Variants in INVS observed in about 807,000 individuals in gnomAD.
The protein encoded by INVS is inversion of embryo turning homolog.
INVS carries 86 observed loss-of-function variants against 108.8 expected under a neutral mutation model. The ratio of observed to expected loss-of-function variants is 0.79; its 90% CI spans 0.66 to 0.95. The LOEUF (loss-of-function observed/expected upper bound fraction) is 0.95. INVS is among the 40% of genes least tolerant of loss of function. The pLI is 0.00. For missense variants in INVS, 1,169 were observed against 1,297.4 expected (o/e 0.90, Z 1.52); for synonymous variants, 455 against 473.5 (o/e 0.96, Z 0.51).
At chr9:100,286,738 G>A (rs1833456516) in intron 13 of INVS, among the ~76,000 whole-genome samples, 1 of 152,004 alleles carries the variant, frequency 6.6e-6, no homozygotes, top group African/African-American at 2.4e-5. Context: ...CTTAGCTTGG[G>A]GCCTTTGCAG....
In INVS at chr9:100,161,380, A is replaced by AAAAAAAAAACAAC. The variant is rs1564138753; in HGVS notation, c.273+34840_273+34841insCAACAAAAAAAAA. ...CTTCCATCTCAAAAAAAAAAAAAAAAAAAAAAAAAAAACCTCATAAATTGA... is the reference window on the plus strand; with the variant it reads ...CTTCCATCTCAAAAAAAAAAAAAAAAAAAAAAAAACAACAAAAAAAAAAAACCTCATAAATTGA... On this transcript the variant is annotated intron_variant, in intron 3 of 16. Transcript: ENST00000262457. 4.5e-4 allele frequency among the ~76,000 whole-genome samples: 52 copies of AAAAAAAAAACAAC among 115,504 alleles called. 2 individuals carry two copies. The highest frequency in any genetic ancestry group is 2.3e-3 in the African/African-American group (47 of 20,122). The allele number at this position is 115,504 out of a possible 152,430, so 75.8% of individuals were successfully genotyped here. A position where few individuals can be genotyped will look rare whatever the true frequency, so the allele number is the denominator to read the frequency against.
In INVS at chr9:100,226,095, C is replaced by T. The variant is rs750863293; in HGVS notation, c.307C>T (p.Arg103Cys). ...TCGTTTCATGAAACTCTTACTTACA[C>T]GCAGAGCAAACTGGATGCAAAAGGA... ...NYRFMKLLLT[R>C]RANWMQKDLE... Residue 103 changes from arginine to cysteine, a missense_variant, in exon 4 of 17, where the codon CGC becomes TGC. By Grantham distance (180) the Arg-to-Cys change is radical. This residue lies in a region of INVS where 365 missense variants were observed against 397.5 expected (regional missense o/e 0.92). Coordinates refer to ENST00000262457, the MANE Select transcript of INVS (RefSeq NM_014425.5). 2.8e-5 allele frequency: 45 copies of T among 1,613,332 alleles called. No individual in the cohort carries two copies. The highest frequency in any genetic ancestry group is 1.7e-4 in the Admixed American group (10 of 59,940).
chr9:100,125,167 T>C (rs1316688647), intron 2 of INVS, among the ~76,000 whole-genome samples: 1 of 152,212 alleles, frequency 6.6e-6, no homozygotes, highest in Non-Finnish European at 1.5e-5. Context: ...TATTCCTATC[T>C]CCTACTCTCT....
At chr9:100,221,657 G>A (rs868646485) in intron 3 of INVS, among the ~76,000 whole-genome samples, 6 of 151,472 alleles carry the variant, frequency 4.0e-5, no homozygotes, top group Non-Finnish European at 8.8e-5. Flanking sequence ...ATCATTATCT[G>A]TAGGCAGAAT....
At chr9:100,168,400 C>T (rs189899864) in intron 3 of INVS, among the ~76,000 whole-genome samples, 1 of 152,120 alleles carries the variant, frequency 6.6e-6, no homozygotes, top group Non-Finnish European at 1.5e-5. Context: ...ATTTTTATAC[C>T]ATTTATTAGC....
intron 2 of INVS, among the ~76,000 whole-genome samples, chr9:100,123,358 T>C (rs1169228331): frequency 2.6e-5 from 4 of 152,188 alleles, no homozygotes; most frequent in Non-Finnish European, 1.5e-5. Flanking sequence ...TTATATAATA[T>C]GTGGTATTTT....
chr9:100,235,161 G>A (rs1831640931), intron 5 of INVS, among the ~76,000 whole-genome samples: 1 of 150,392 alleles, frequency 6.6e-6, no homozygotes, highest in Non-Finnish European at 1.5e-5. Context: ...TTTAAAGTCT[G>A]TTTTATCAGA....
chr9:100,253,406 T>C (rs1832306811), intron 10 of INVS, among the ~76,000 whole-genome samples: 1 of 127,104 alleles, frequency 7.9e-6, no homozygotes, highest in Non-Finnish European at 1.8e-5. Flanking sequence ...AACATAAATA[T>C]ATGATTTTCT....
intron 6 of INVS, 126 bp downstream of exon 6, chr9:100,240,366 AT>A (rs1343542081): frequency 1.5e-6 from 1 of 660,652 alleles, no homozygotes; most frequent in African/African-American, 1.8e-5. Context: ...GATATGTTGC[AT>A]TGTTTTATAA....
chr9:100,102,685 T>A (rs1404301434), intron 1 of INVS: 2 of 152,336 alleles, frequency 1.3e-5, no homozygotes, highest in African/African-American at 4.8e-5. Context: ...AAGTTTGGCA[T>A]CAATATGGTG....
chr9:100,253,097 C>CA lies in INVS; in HGVS notation c.1426dup (p.Met476AsnfsTer8). On this transcript the variant is annotated frameshift_variant, in exon 10 of 17. Coordinates refer to ENST00000262457, the MANE Select transcript of INVS (RefSeq NM_014425.5). LOFTEE classifies it high-confidence loss of function. ...GCTATATCAACTGCATGGCAGTTCTCATGGAAAACAATGCAGACCCTAACA... is the reference window on the plus strand; with the variant it reads ...GCTATATCAACTGCATGGCAGTTCTCAATGGAAAACAATGCAGACCCTAACA... 1 of 1,613,760 alleles carries CA rather than the reference C, an allele frequency of 6.2e-7. No homozygotes were observed. The highest frequency in any genetic ancestry group is 8.5e-7 in the Non-Finnish European group (1 of 1,179,756).
At chr9:100,156,193 G>C (rs1828972787) in intron 3 of INVS, among the ~76,000 whole-genome samples, 1 of 151,532 alleles carries the variant, frequency 6.6e-6, no homozygotes. Flanking sequence ...TGGACAATTT[G>C]AGTAGCAAAA....
At chr9:100,099,900 C>T (rs1026811335) in intron 1 of INVS, among the ~76,000 whole-genome samples, 1 of 152,142 alleles carries the variant, frequency 6.6e-6, no homozygotes, top group Non-Finnish European at 1.5e-5. Flanking sequence ...TGTGGTTCTC[C>T]CTGCTCCCGC....
intron 3 of INVS, among the ~76,000 whole-genome samples, chr9:100,214,624 T>A (rs796660034): frequency 5.9e-5 from 9 of 152,320 alleles, no homozygotes; most frequent in African/African-American, 2.2e-4. Flanking sequence ...GTTGTGCCAG[T>A]CCCTTTGCTT....
At position 100,226,155 on chromosome 9, in the gene INVS, C is replaced by T. The variant is rs149315279; in HGVS notation, c.367C>T (p.Arg123Trp). The change falls in exon 4 of 17, where the codon CGG becomes TGG. Residue 123 changes from arginine (R) to tryptophan (W), a missense_variant. Transcript: ENST00000262457. The stretch of plus-strand genomic sequence containing the variant: ...GATGACTCCTTTGCACTTGACCACC[C>T]GGCACAGGAGCCCTAAGTGTTTGGC... ...EEMTPLHLTT[R>W]HRSPKCLALL... The T allele has an allele frequency of 1.6e-4, 251 of 1,613,928 alleles. No homozygotes were observed. The African/African-American group carries it at 2.6e-3, about 16-fold the overall frequency.
intron 3 of INVS, 142 bp from the exon 4 acceptor site, chr9:100,225,920 A>T: frequency 6.4e-6 from 4 of 627,478 alleles, no homozygotes; most frequent in Non-Finnish European, 1.1e-5. Flanking sequence ...GTATAGTGGA[A>T]TTACAAGCAT....
Position 100,284,409 on chromosome 9 carries a change from G to A in INVS, c.1874G>A (p.Cys625Tyr), listed in dbSNP as rs1170636890. The change falls in exon 13 of 17, where the codon TGT (cysteine) becomes TAT (tyrosine). Residue 625 changes from cysteine (C) to tyrosine (Y), a missense_variant. Physicochemically the swap from Cys to Tyr is radical, Grantham distance 194. Around this residue, in one of 3 missense-constraint regions of INVS, gnomAD observed 271 missense variants for 363.8 expected, o/e 0.74. Coordinates refer to ENST00000262457, the MANE Select transcript of INVS (RefSeq NM_014425.5). ...PDSCRPQALP[C>Y]LPSTQDVPSR... ...TCCTGCAGACCCCAGGCCCTTCCCT[G>A]TCTGCCTAGCACCCAGGATGTGCCC... 1.9e-6 allele frequency: 3 copies of A among 1,613,968 alleles called. No individual in the cohort carries two copies. Among genetic ancestry groups the A allele is most frequent in the Non-Finnish European group, 2.5e-6 (3 of 1,180,064 alleles).
At chr9:100,294,334 A>C (rs1262013714) in intron 14 of INVS, among the ~76,000 whole-genome samples, 1 of 152,194 alleles carries the variant, frequency 6.6e-6, no homozygotes, top group Non-Finnish European at 1.5e-5. Context: ...GCAGGGAGAA[A>C]ACTAGATAGA....
intron 3 of INVS, among the ~76,000 whole-genome samples, chr9:100,132,529 CTGTT>C (rs1284475602): frequency 1.3e-5 from 2 of 152,134 alleles, no homozygotes; most frequent in Non-Finnish European, 2.9e-5. Context: ...ATAAAGCATT[CTGTT>C]TGTTGGAGAA....
Sources: gnomAD v4.1 joint callset for allele counts (sites outside exome capture counted in the v4.1 genomes callset) on GRCh38, gnomAD v4.1.1 for gene constraint, gnomAD v4.1.1 regional missense constraint, MANE v1.5 for transcripts, NCBI Gene and HGNC (gene_info 2026-07-23, HGNC 2026-07-21) for gene names.